The following GABBR2 variants were observed in gnomAD, a reference collection of about 807,000 sequenced individuals.
The protein encoded by GABBR2 is gamma-aminobutyric acid type B receptor subunit 2.
GABBR2 carries 23 observed loss-of-function variants against 105.6 expected under a neutral mutation model. That is an observed-to-expected ratio of 0.22 (90% CI 0.16 to 0.31). The LOEUF is 0.31. Ranked by LOEUF, GABBR2 falls within the 10% of genes least tolerant of loss-of-function variation. The pLI, the probability that GABBR2 is intolerant of heterozygous loss-of-function variation, is 1.00. For synonymous variants in GABBR2, 478 were observed against 499.7 expected, an observed-to-expected ratio of 0.96 and a Z score of 0.58; for missense variants, 734 against 1,245.5, an observed-to-expected ratio of 0.59 and a Z score of 6.18.
rs991082167 is a variant in GABBR2, at chr9:98,391,542, G to A, written c.1379-2538C>T. ...GGAGCAGAGTGCAGTCCTGCCTGACGGGGTAAGGAAATGCTACAGAAAGGA... is the reference window on the plus strand; with the variant it reads ...GGAGCAGAGTGCAGTCCTGCCTGACAGGGTAAGGAAATGCTACAGAAAGGA... On this transcript the variant is annotated intron_variant, in intron 9 of 18. Coordinates refer to ENST00000259455, the MANE Select transcript of GABBR2 (RefSeq NM_005458.8). 3.9e-5 allele frequency among the ~76,000 whole-genome samples: 6 copies of A among 152,308 alleles called. No individual in the cohort carries two copies. The South Asian group carries it at 6.2e-4, about 16-fold the overall frequency.
At chr9:98,316,228 T>C (rs532874869) in intron 13 of GABBR2, among the ~76,000 whole-genome samples, 1 of 151,914 alleles carries the variant, frequency 6.6e-6, no homozygotes, top group Admixed American at 6.5e-5. Context: ...CTCAGCTCAC[T>C]GCAACCTCTG....
intron 1 of GABBR2, among the ~76,000 whole-genome samples, chr9:98,590,470 A>G (rs756705191): frequency 2.5e-4 from 38 of 152,240 alleles, no homozygotes; most frequent in Non-Finnish European, 4.8e-4. Context: ...TTTCTCAAAG[A>G]CTGGGAGATA....
At chr9:98,590,212 A>T (rs1254176666) in intron 1 of GABBR2, among the ~76,000 whole-genome samples, 1 of 152,096 alleles carries the variant, frequency 6.6e-6, no homozygotes, top group Non-Finnish European at 1.5e-5. Flanking sequence ...CAGCTTATTA[A>T]CTCCAGCCAT....
chr9:98,606,788 T>C (rs774935540), intron 1 of GABBR2: 7 of 315,580 alleles, frequency 2.2e-5, no homozygotes, highest in Non-Finnish European at 4.3e-5. Context: ...CCTATTATCA[T>C]TTTTTTATGA....
intron 13 of GABBR2, among the ~76,000 whole-genome samples, chr9:98,324,584 G>A (rs975278240): frequency 4.6e-5 from 7 of 151,090 alleles, no homozygotes; most frequent in Admixed American, 2.0e-4. Flanking sequence ...TCATTTTCCT[G>A]TTGTCATTCA....
intron 6 of GABBR2, among the ~76,000 whole-genome samples, chr9:98,457,789 T>C (rs1156337795): frequency 6.6e-6 from 1 of 152,146 alleles, no homozygotes; most frequent in South Asian, 2.1e-4. Context: ...ACCAACTCCC[T>C]TGGGCAAGAC....
intron 13 of GABBR2, among the ~76,000 whole-genome samples, chr9:98,339,284 CAA>C (rs9299286): frequency 0.15 from 20,387 of 133,220 alleles, 1,475 homozygotes; most frequent in Middle Eastern, 0.23. Context: ...AATTATATCT[CAA>C]AAAAAAAAAA....
At chr9:98,415,880 G>A (rs1365772142) in intron 7 of GABBR2, among the ~76,000 whole-genome samples, 2 of 152,148 alleles carry the variant, frequency 1.3e-5, no homozygotes, top group Non-Finnish European at 2.9e-5. Context: ...TCCTGTTTGC[G>A]AGAAGGAGTC....
chr9:98,533,284 C>G (rs1564106462), intron 3 of GABBR2, among the ~76,000 whole-genome samples: 6 of 152,124 alleles, frequency 3.9e-5, no homozygotes, highest in Non-Finnish European at 8.8e-5. Flanking sequence ...GGGCTTGCAT[C>G]TAACCTAGGA....
At position 98,395,553 on chromosome 9, in the gene GABBR2, G is replaced by C. The variant is rs558705139; in HGVS notation, c.1298-1298C>G. ...ACTCTGGAGGAGCCCTGACCCCTGG[G>C]GTGGGCAGAGCAGAGACTGGGAAGG... On this transcript the variant is annotated intron_variant, in intron 8 of 18. Coordinates refer to ENST00000259455, the MANE Select transcript of GABBR2 (RefSeq NM_005458.8). Among the ~76,000 whole-genome samples, 22 of 152,146 alleles carry C rather than the reference G, an allele frequency of 1.4e-4. No homozygotes were observed. The South Asian group carries it at 4.4e-3, about 30-fold the overall frequency.
chr9:98,655,398 A>G (rs899982912), intron 1 of GABBR2, among the ~76,000 whole-genome samples: 2 of 152,284 alleles, frequency 1.3e-5, no homozygotes, highest in East Asian at 3.9e-4. Flanking sequence ...AAAGCCTTTA[A>G]AAGAAAAGAA....
intron 1 of GABBR2, among the ~76,000 whole-genome samples, chr9:98,635,923 C>G (rs915328285): frequency 6.6e-6 from 1 of 152,120 alleles, no homozygotes; most frequent in African/African-American, 2.4e-5. Flanking sequence ...CACAACCAGA[C>G]TCTAGCCTTG....
chr9:98,483,673 A>G (rs1202119266), intron 4 of GABBR2, among the ~76,000 whole-genome samples: 1 of 152,056 alleles, frequency 6.6e-6, no homozygotes, highest in Non-Finnish European at 1.5e-5. Flanking sequence ...CTGCAAGTCT[A>G]TCCCTCCAGA....
intron 2 of GABBR2, among the ~76,000 whole-genome samples, chr9:98,567,622 G>A (rs1175891746): frequency 6.6e-6 from 1 of 152,148 alleles, no homozygotes; most frequent in Non-Finnish European, 1.5e-5. Context: ...AGATCTTAGT[G>A]GGCCTGATGG....
intron 13 of GABBR2, among the ~76,000 whole-genome samples, chr9:98,324,493 GACACAC>G (rs3983548): frequency 0.049 from 7,033 of 143,172 alleles, 233 homozygotes; most frequent in Admixed American, 0.099. Context: ...CTACAGAGCC[GACACAC>G]ACACACACAC....
At chr9:98,453,895 T>G in intron 7 of GABBR2, 86 bp downstream of exon 7, 1 of 893,116 alleles carries the variant, frequency 1.1e-6, no homozygotes, top group Non-Finnish European at 1.9e-6. Context: ...ACAGATCACA[T>G]AACAGAAAGC....
chr9:98,326,521 G>T (rs1232369966), intron 13 of GABBR2, among the ~76,000 whole-genome samples: 1 of 152,216 alleles, frequency 6.6e-6, no homozygotes, highest in Non-Finnish European at 1.5e-5. Flanking sequence ...ACTAAGTCTG[G>T]CCAATGGGCT....
rs554945223 is a variant in GABBR2 at position 98,324,249 on chromosome 9, C to T, written c.1894-13044G>A. On this transcript the variant is annotated intron_variant, in intron 13 of 18. Transcript: ENST00000259455. ...TGGATGAACTTCAAGTGTTCCTTCT[C>T]CTGTTCCCTGCTACATCTTAGATTT... Among the ~76,000 whole-genome samples, 24 of 152,308 alleles carry T rather than the reference C, an allele frequency of 1.6e-4. No individual in the cohort carries two copies. In the East Asian group the frequency reaches 4.2e-3, roughly 27 times the overall value.
chr9:98,419,267 G>A (rs142711743), intron 7 of GABBR2, among the ~76,000 whole-genome samples: 22 of 152,320 alleles, frequency 1.4e-4, no homozygotes, highest in South Asian at 6.2e-4. Context: ...GGGAGGTGGG[G>A]CTCCTGGGTT....
Sources: gnomAD v4.1 joint callset for allele counts (sites outside exome capture counted in the v4.1 genomes callset) on GRCh38, gnomAD v4.1.1 for gene constraint, MANE v1.5 for transcripts, NCBI Gene and HGNC (gene_info 2026-07-23, HGNC 2026-07-21) for gene names.